The following SGIP1 variants were observed in gnomAD, a reference collection of about 807,000 sequenced individuals.
SGIP1 encodes SH3-containing GRB2-like protein 3-interacting protein 1.
In SGIP1, 38 loss-of-function variants were observed where a neutral mutation model predicts 107.5. That is an observed-to-expected ratio of 0.35 (90% confidence interval 0.27 to 0.46). The LOEUF (loss-of-function observed/expected upper bound fraction) is 0.46. Ranked by LOEUF, SGIP1 falls within the 20% of genes least tolerant of loss-of-function variation. The pLI is 1.00. For synonymous variants in SGIP1, 365 were observed against 366.1 expected, an observed-to-expected ratio of 1.00 and a Z score of 0.03; for missense variants, 929 against 1,019.5, an observed-to-expected ratio of 0.91 and a Z score of 1.21.
intron 1 of SGIP1, among the ~76,000 whole-genome samples, chr1:66,580,922 C>T (rs1156783108): frequency 6.6e-6 from 1 of 152,064 alleles, no homozygotes; most frequent in Non-Finnish European, 1.5e-5. Context: ...AACTAACAAC[C>T]AGCTGTTTCT....
chr1:66,661,681 T>C (rs908214678), intron 8 of SGIP1, among the ~76,000 whole-genome samples: 6 of 152,226 alleles, frequency 3.9e-5, no homozygotes, highest in African/African-American at 1.4e-4. Context: ...AGCCTTTTCT[T>C]ACCCTTTACC....
chr1:66,742,630 C>A (rs1199427743), intron 24 of SGIP1, among the ~76,000 whole-genome samples: 3 of 149,796 alleles, frequency 2.0e-5, no homozygotes. Context: ...CCACCACGCC[C>A]GGCTAATTTT....
chr1:66,690,115 G>T (rs2089492647), intron 16 of SGIP1, 75 bp from the exon 17 acceptor site: 1 of 1,559,042 alleles, frequency 6.4e-7, no homozygotes, highest in Admixed American at 1.8e-5. Context: ...CTGGGGCTGG[G>T]AGACATTAAA....
At chr1:66,739,292 T>A in intron 21 of SGIP1, 43 bp from the exon 22 acceptor site, 1 of 1,583,244 alleles carries the variant, frequency 6.3e-7, no homozygotes, top group Non-Finnish European at 8.6e-7. Context: ...TCTAAGAACA[T>A]CCCTGTCATA....
chr1:66,748,682 A>T lies in SGIP1; in HGVS notation c.*5587A>T, dbSNP rs2094585427. 6.6e-6 allele frequency among the ~76,000 whole-genome samples: 1 copy of T among 151,984 alleles called. No homozygotes were observed. The highest frequency in any genetic ancestry group is 6.6e-5 in the Admixed American group (1 of 15,262). ...AAATGTTTTGGCAAAAAACAAATAT[A>T]TTTTTAAATGTCCCGTAATGTTTTA... On this transcript the variant is annotated 3_prime_UTR_variant, in exon 25 of 25. Transcript: ENST00000371037.
intron 2 of SGIP1, among the ~76,000 whole-genome samples, chr1:66,631,047 GA>G (rs2074470947): frequency 3.1e-5 from 1 of 32,102 alleles, no homozygotes. Flanking sequence ...AAGAAAGGAA[GA>G]AAGAAAGAAA....
intron 4 of SGIP1, among the ~76,000 whole-genome samples, chr1:66,638,050 AG>A (rs1437720194): frequency 1.3e-5 from 2 of 151,970 alleles, no homozygotes; most frequent in Non-Finnish European, 2.9e-5. Flanking sequence ...AAAATTCATG[AG>A]TTTACTTTTC....
chr1:66,538,978 T>A, intron 1 of SGIP1, among the ~76,000 whole-genome samples: 1 of 152,226 alleles, frequency 6.6e-6, no homozygotes, highest in East Asian at 1.9e-4. Flanking sequence ...ACACTGGATT[T>A]TTCAATTATG....
intron 1 of SGIP1, among the ~76,000 whole-genome samples, chr1:66,577,727 C>A (rs2061265010): frequency 6.6e-6 from 1 of 150,730 alleles, no homozygotes; most frequent in Non-Finnish European, 1.5e-5. Flanking sequence ...CACTAATTAT[C>A]AGTTTAGAAG....
chr1:66,654,426 T>C (rs1028155908), intron 7 of SGIP1, among the ~76,000 whole-genome samples: 10 of 152,184 alleles, frequency 6.6e-5, no homozygotes, highest in Non-Finnish European at 1.0e-4. Flanking sequence ...TTTAGTTGTC[T>C]TCAACCTTGA....
At chr1:66,647,130 A>G (rs1428443247) in intron 7 of SGIP1, among the ~76,000 whole-genome samples, 2 of 152,182 alleles carry the variant, frequency 1.3e-5, no homozygotes, top group African/African-American at 2.4e-5. Context: ...CCCAAGTGAA[A>G]GTCAAAGCTG....
chr1:66,560,121 A>G (rs2058721386), intron 1 of SGIP1, among the ~76,000 whole-genome samples: 1 of 152,044 alleles, frequency 6.6e-6, no homozygotes, highest in African/African-American at 2.4e-5. Context: ...AGAGGTCTGG[A>G]GGCTCAAACC....
At chr1:66,727,203 A>T (rs990404243) in intron 19 of SGIP1, among the ~76,000 whole-genome samples, 1 of 152,230 alleles carries the variant, frequency 6.6e-6, no homozygotes, top group African/African-American at 2.4e-5. Context: ...AGAATGTATA[A>T]AGAAACCTTG....
At chr1:66,626,592 T>C (rs1418605062) in intron 2 of SGIP1, among the ~76,000 whole-genome samples, 1 of 152,232 alleles carries the variant, frequency 6.6e-6, no homozygotes, top group Non-Finnish European at 1.5e-5. Flanking sequence ...TTTGACCATC[T>C]TGAATTCTCC....
intron 8 of SGIP1, 77 bp from the exon 9 acceptor site, chr1:66,667,453 C>G: frequency 2.2e-6 from 3 of 1,355,518 alleles, no homozygotes; most frequent in Non-Finnish European, 3.2e-6. Flanking sequence ...ATAAAGTCTT[C>G]TGTTACCCAA....
intron 1 of SGIP1, among the ~76,000 whole-genome samples, chr1:66,587,435 T>C (rs548992506): frequency 1.4e-4 from 21 of 152,250 alleles, no homozygotes; most frequent in Admixed American, 1.3e-4. Flanking sequence ...TCTGGTTCAC[T>C]GATTCTTTTC....
intron 1 of SGIP1, among the ~76,000 whole-genome samples, chr1:66,576,414 A>T (rs2061073683): frequency 6.6e-6 from 1 of 152,206 alleles, no homozygotes; most frequent in South Asian, 2.1e-4. Flanking sequence ...TGAGCCGCAT[A>T]AAAGCTTTAT....
chr1:66,656,563 T>C (rs2079824609), intron 7 of SGIP1, among the ~76,000 whole-genome samples: 1 of 152,210 alleles, frequency 6.6e-6, no homozygotes, highest in African/African-American at 2.4e-5. Flanking sequence ...TCTGTCATAA[T>C]CTTATGGGAC....
rs1319695716 is a variant in SGIP1 at position 66,749,318 on chromosome 1, A to G, written c.*6223A>G. Among the ~76,000 whole-genome samples the G allele has an allele frequency of 2.0e-5, 3 of 151,996 alleles. No individual in the cohort carries two copies. The highest frequency in any genetic ancestry group is 7.2e-5 in the African/African-American group (3 of 41,438). On this transcript the variant is annotated 3_prime_UTR_variant, in exon 25 of 25. Coordinates refer to ENST00000371037, the MANE Select transcript of SGIP1 (RefSeq NM_032291.4). ...ACTGAATCATGATAGATCAATGTTG[A>G]CAGTATTTTTACATCAGCTTGTCAG... is the stretch of plus-strand genomic sequence containing the variant.
Sources: gnomAD v4.1 joint callset for allele counts (sites outside exome capture counted in the v4.1 genomes callset) on GRCh38, gnomAD v4.1.1 for gene constraint, MANE v1.5 for transcripts, NCBI Gene and HGNC (gene_info 2026-07-23, HGNC 2026-07-21) for gene names.